SLC2A3: variants seen among roughly 807,000 people sequenced by gnomAD.
SLC2A3 encodes the protein solute carrier family 2 member 3.
A neutral mutation model predicts 46.4 loss-of-function variants in SLC2A3; 21 were observed. The observed-to-expected ratio is 0.45, with a 90% CI of 0.32 to 0.65. The LOEUF is 0.65. SLC2A3 is among the 30% of genes least tolerant of loss of function. The pLI is 0.04. For synonymous variants in SLC2A3, 213 were observed against 239.4 expected, an observed-to-expected ratio of 0.89 and a Z score of 1.02; for missense variants, 499 against 623.3, an observed-to-expected ratio of 0.80 and a Z score of 2.12.
In SLC2A3 at chr12:7,929,909, T is replaced by C. The variant is rs753479508; in HGVS notation, c.674-38A>G. The C allele has an allele frequency of 2.5e-6, 4 of 1,613,146 alleles. No individual in the cohort carries two copies. The East Asian group carries it at 8.9e-5, about 36-fold the overall frequency. On this transcript the variant is annotated intron_variant, in intron 5 of 9. Transcript: ENST00000075120. ...AGAAAGAGGAAAGGATAAAAGAGAA[T>C]GTGCTGCCCCAAATTCATTCTTCCT... is the stretch of plus-strand genomic sequence containing the variant.
chr12:7,932,312 G>GAATT (rs1261230985), intron 3 of SLC2A3, among the ~76,000 whole-genome samples: 1 of 151,874 alleles, frequency 6.6e-6, no homozygotes, highest in Non-Finnish European at 1.5e-5. Flanking sequence ...GGAGTAGCTG[G>GAATT]AATTATAGGT....
In SLC2A3 at chr12:7,936,064, A is replaced by C; in HGVS notation, c.-30T>G. On this transcript the variant is annotated 5_prime_UTR_variant, in exon 1 of 10. Transcript: ENST00000075120. Reference sequence around the variant, plus strand: ...GTAATCTAATTCAAGTCTTCAAGAAAGATCTAGGGGTGATTCCAGAAACAG... The same window carrying C: ...GTAATCTAATTCAAGTCTTCAAGAACGATCTAGGGGTGATTCCAGAAACAG... 4 of 1,595,542 alleles carry C rather than the reference A, an allele frequency of 2.5e-6. No individual in the cohort carries two copies. The highest frequency in any genetic ancestry group is 3.4e-6 in the Non-Finnish European group (4 of 1,163,110).
In SLC2A3 at chr12:7,933,094, G is replaced by C; in HGVS notation, c.162C>G (p.Pro54=). The C allele has an allele frequency of 6.2e-7, 1 of 1,614,118 alleles. No homozygotes were observed. Among genetic ancestry groups the C allele is most frequent in the South Asian group, 1.1e-5 (1 of 91,078 alleles). The change falls in exon 3 of 10, where the codon CCC becomes CCG. Residue 54 remains proline (P), a synonymous_variant. Transcript: ENST00000075120. ...KTLTDKGNAP[P]SEVLLTSLWS... is the part of the protein sequence containing the mutation. The stretch of plus-strand genomic sequence containing the variant: ...AGAGAGACGTGAGCAGCACCTCAGA[G>C]GGTGGGGCATTTCCCTTGTCCGTCA...
intron 5 of SLC2A3, chr12:7,930,278 G>T: frequency 1.7e-6 from 1 of 592,968 alleles, no homozygotes; most frequent in Non-Finnish European, 2.8e-6. Context: ...ATCACACCCT[G>T]CCTGATAGCA....
intron 1 of SLC2A3, among the ~76,000 whole-genome samples, chr12:7,934,879 A>G (rs1208258100): frequency 6.6e-6 from 1 of 152,138 alleles, no homozygotes; most frequent in African/African-American, 2.4e-5. Flanking sequence ...GCTCTGTTAA[A>G]TCTTTTTCCG....
In SLC2A3 at chr12:7,933,878, T is replaced by A; in HGVS notation, c.40A>T (p.Ile14Phe). Residue 14 changes from isoleucine (I) to phenylalanine (F), a missense_variant, in exon 2 of 10, where the codon ATC (isoleucine) becomes TTC (phenylalanine). Physicochemically the swap from Ile to Phe is conservative, Grantham distance 21. Around this residue, in one of 5 missense-constraint regions of SLC2A3, gnomAD observed 248 missense variants for 284.0 expected, o/e 0.87. Coordinates refer to ENST00000075120, the MANE Select transcript of SLC2A3 (RefSeq NM_006931.3). ...QKVTPALIFA[I>F]TVATIGSFQF... Reference sequence around the variant, plus strand: ...AAAGAGCCGATTGTAGCAACTGTGATGGCAAATATCAGAGCTGGGGTGACC... The same window carrying A: ...AAAGAGCCGATTGTAGCAACTGTGAAGGCAAATATCAGAGCTGGGGTGACC... The A allele has an allele frequency of 6.2e-7, 1 of 1,614,058 alleles. No homozygotes were observed. Among genetic ancestry groups the A allele is most frequent in the Non-Finnish European group, 8.5e-7 (1 of 1,179,966 alleles).
chr12:7,936,029 C>T lies in SLC2A3; in HGVS notation c.6G>A (p.Gly2=). 1.2e-6 allele frequency: 2 copies of T among 1,607,422 alleles called. No homozygotes were observed. Among genetic ancestry groups the T allele is most frequent in the African/African-American group, 1.3e-5 (1 of 74,928 alleles). Residue 2 remains glycine (G), a synonymous_variant, in exon 1 of 10, where the codon GGG becomes GGA. Coordinates refer to ENST00000075120, the MANE Select transcript of SLC2A3 (RefSeq NM_006931.3). ...ATTATATCATTCTTACCTTCTGTGT[C>T]CCCATCGCTGTAATCTAATTCAAGT... M[G]TQKVTPALIF...
rs776238924 is a variant in SLC2A3, at chr12:7,929,958, C to T, written c.674-87G>A. 5.7e-6 allele frequency: 9 copies of T among 1,574,154 alleles called. No individual in the cohort carries two copies. The African/African-American group carries it at 1.1e-4, about 19-fold the overall frequency. ...CTGTAAGGCAGCCAGGAAAGGGCCG[C>T]ACGAGGTGAGGTGATGGGTAGCATC... is the stretch of plus-strand genomic sequence containing the variant. On this transcript the variant is annotated intron_variant, in intron 5 of 9. Transcript: ENST00000075120.
chr12:7,926,008 C>T (rs770490117), intron 6 of SLC2A3, 60 bp from the exon 7 acceptor site: 1 of 1,432,838 alleles, frequency 7.0e-7, no homozygotes, highest in Non-Finnish European at 9.8e-7. Context: ...ACACAGAACC[C>T]TCAAAAATAA....
chr12:7,921,402 G>A lies in SLC2A3; in HGVS notation c.*11C>T, dbSNP rs1946035287. On this transcript the variant is annotated 3_prime_UTR_variant, in exon 10 of 10. Transcript: ENST00000075120. Reference sequence around the variant, plus strand: ...TTCCCATGCCGGGAGGGAGGTGGAAGGAGGCACGACTTAGACATTGGTGGT... The same window carrying A: ...TTCCCATGCCGGGAGGGAGGTGGAAAGAGGCACGACTTAGACATTGGTGGT... The A allele has an allele frequency of 6.2e-7, 1 of 1,613,926 alleles. No individual in the cohort carries two copies. Among genetic ancestry groups the A allele is most frequent in the African/African-American group, 1.3e-5 (1 of 74,916 alleles).
At chr12:7,927,545 A>G (rs1253429616) in intron 6 of SLC2A3, among the ~76,000 whole-genome samples, 1 of 145,038 alleles carries the variant, frequency 6.9e-6, no homozygotes, top group East Asian at 2.0e-4. Context: ...ATCTGCCCAT[A>G]AGGGAAATTA....
intron 1 of SLC2A3, among the ~76,000 whole-genome samples, chr12:7,935,443 A>G (rs1946202737): frequency 6.6e-6 from 1 of 151,910 alleles, no homozygotes; most frequent in African/African-American, 2.4e-5. Context: ...CAAGAGTAAA[A>G]CTCAATCAGA....
chr12:7,921,201 T>C lies in SLC2A3; in HGVS notation c.*212A>G, dbSNP rs1592352501. The C allele has an allele frequency of 8.7e-6, 9 of 1,039,172 alleles. No homozygotes were observed. Among genetic ancestry groups the C allele is most frequent in the Non-Finnish European group, 1.2e-5 (9 of 725,122 alleles). The allele number at this position is 1,039,172 out of a possible 1,614,324, so 64.4% of individuals were successfully genotyped here. ...GAAGGTAGGTTCACTCGGTCTCTCCTAAGCAGAAGAGGATGTCCAGGAAAT... is the reference window on the plus strand; with the variant it reads ...GAAGGTAGGTTCACTCGGTCTCTCCCAAGCAGAAGAGGATGTCCAGGAAAT... On this transcript the variant is annotated 3_prime_UTR_variant, in exon 10 of 10. Transcript: ENST00000075120.
chr12:7,931,540 TCTC>T (rs1946156227), intron 3 of SLC2A3, 55 bp from the exon 4 acceptor site: 12 of 1,608,400 alleles, frequency 7.5e-6, no homozygotes, highest in South Asian at 4.4e-5. Context: ...GCTCCTAACT[TCTC>T]CTCTGTCCTC....
intron 6 of SLC2A3, among the ~76,000 whole-genome samples, chr12:7,927,054 C>CT (rs1045009499): frequency 6.6e-6 from 1 of 152,018 alleles, no homozygotes; most frequent in Non-Finnish European, 1.5e-5. Flanking sequence ...ATTTATTAGT[C>CT]TTTTTTATGA....
At chr12:7,929,520 A>T in intron 6 of SLC2A3, 164 bp downstream of exon 6, 1 of 951,972 alleles carries the variant, frequency 1.1e-6, no homozygotes, top group Non-Finnish European at 1.5e-6. Flanking sequence ...GCTGGAATGC[A>T]GTGGCATAAT....
Position 7,936,149 on chromosome 12 carries a change from C to G in SLC2A3, c.-115G>C. ...CTCAGCAGCAAGTTTTCTCCACGTC[C>G]TCAGGAAGGATCCAAAGTCTTACCA... is the stretch of plus-strand genomic sequence containing the variant. On this transcript the variant is annotated 5_prime_UTR_variant, in exon 1 of 10. Transcript: ENST00000075120. 1 of 860,144 alleles carries G rather than the reference C, an allele frequency of 1.2e-6. No individual in the cohort carries two copies. Among genetic ancestry groups the G allele is most frequent in the Non-Finnish European group, 2.0e-6 (1 of 499,982 alleles). The allele number at this position is 860,144 out of a possible 1,614,324, so 53.3% of individuals were successfully genotyped here. A position where few individuals can be genotyped will look rare whatever the true frequency, so the allele number is the denominator to read the frequency against.
chr12:7,927,388 C>A (rs943082557), intron 6 of SLC2A3, among the ~76,000 whole-genome samples: 4 of 151,974 alleles, frequency 2.6e-5, no homozygotes, highest in Non-Finnish European at 5.9e-5. Flanking sequence ...ACGTCAAAAA[C>A]CTAATGTACA....
chr12:7,923,512 G>C (rs893671148), intron 8 of SLC2A3, among the ~76,000 whole-genome samples: 2 of 152,072 alleles, frequency 1.3e-5, no homozygotes, highest in Admixed American at 6.6e-5. Context: ...CTACCTGGGA[G>C]GCTGAGGCAG....
Sources: allele counts gnomAD v4.1 joint callset (sites outside exome capture counted in the v4.1 genomes callset), GRCh38; gene constraint gnomAD v4.1.1; regional missense constraint gnomAD v4.1.1; transcripts MANE v1.5; gene names NCBI Gene and HGNC (gene_info 2026-07-23, HGNC 2026-07-21).